Variants in RUBCNL observed in about 807,000 individuals in gnomAD.
RUBCNL encodes protein associated with UVRAG as autophagy enhancer.
A neutral mutation model predicts 69.5 loss-of-function variants in RUBCNL; 62 were observed. The observed-to-expected ratio is 0.89, with a 90% CI of 0.73 to 1.10. The LOEUF (loss-of-function observed/expected upper bound fraction) is 1.10, where lower values mean the gene tolerates loss of function less well. Among genes scored for constraint, RUBCNL ranks in the 50% least tolerant of loss-of-function variants. The pLI is 0.00. For synonymous variants in RUBCNL, 291 were observed against 303.6 expected, an observed-to-expected ratio of 0.96 and a Z score of 0.43; for missense variants, 768 against 798.1, an observed-to-expected ratio of 0.96 and a Z score of 0.45.
chr13:46,378,117 C>T (rs1875318907), intron 1 of RUBCNL, 112 bp from the exon 2 acceptor site: 3 of 603,046 alleles, frequency 5.0e-6, no homozygotes, highest in Non-Finnish European at 8.4e-6. Context: ...TATTTTTTTA[C>T]TGAGCATCTA....
In RUBCNL at chr13:46,361,593, A is replaced by T; in HGVS notation, c.987-20T>A. 1 of 1,571,876 alleles carries T rather than the reference A, an allele frequency of 6.4e-7. No individual in the cohort carries two copies. On this transcript the variant is annotated intron_variant, in intron 7 of 14. Coordinates refer to ENST00000429979, the MANE Select transcript of RUBCNL (RefSeq NM_025113.5). ...GTGACACTGAAATGTAAGAGATGCA[A>T]ATACTGGAAAACTATATTCATGAGG...
intron 4 of RUBCNL, 161 bp from the exon 5 acceptor site, chr13:46,368,410 G>C (rs904011589): frequency 3.1e-6 from 3 of 974,424 alleles, no homozygotes; most frequent in Non-Finnish European, 2.4e-6. Flanking sequence ...ATGACTTATA[G>C]CACACATTGT....
At chr13:46,386,613 G>A (rs901646870) in intron 1 of RUBCNL, among the ~76,000 whole-genome samples, 1 of 152,100 alleles carries the variant, frequency 6.6e-6, no homozygotes, top group Admixed American at 6.5e-5. Context: ...CGAGAAGAGT[G>A]GGGGTTGCTA....
intron 12 of RUBCNL, among the ~76,000 whole-genome samples, chr13:46,346,983 A>G (rs2048259254): frequency 1.3e-5 from 2 of 152,174 alleles, no homozygotes; most frequent in Admixed American, 6.6e-5. Flanking sequence ...TTTTTAAAAT[A>G]ATTTCAACTT....
At chr13:46,364,931 A>G (rs1416177191) in intron 5 of RUBCNL, among the ~76,000 whole-genome samples, 4 of 152,206 alleles carry the variant, frequency 2.6e-5, no homozygotes, top group Non-Finnish European at 1.5e-5. Flanking sequence ...ACTATTTATA[A>G]AAATACCTAT....
Position 46,337,433 on chromosome 13 carries a change from G to A in RUBCNL, c.*5952C>T, listed in dbSNP as rs2048111534. 6.6e-6 allele frequency among the ~76,000 whole-genome samples: 1 copy of A among 152,136 alleles called. No homozygotes were observed. The highest frequency in any genetic ancestry group is 1.5e-5 in the Non-Finnish European group (1 of 68,038). On this transcript the variant is annotated 3_prime_UTR_variant, in exon 15 of 15. Transcript: ENST00000429979. Reference sequence around the variant, plus strand: ...AACTTTGGGAGTGCTGGGATTACAAGTGTGAGCCACCGTGCCTGGTCCGCT... The same window carrying A: ...AACTTTGGGAGTGCTGGGATTACAAATGTGAGCCACCGTGCCTGGTCCGCT...
At chr13:46,376,390 T>C (rs938198530) in intron 2 of RUBCNL, among the ~76,000 whole-genome samples, 1 of 152,146 alleles carries the variant, frequency 6.6e-6, no homozygotes, top group African/African-American at 2.4e-5. Flanking sequence ...AACATACATA[T>C]ATAAACATAT....
intron 8 of RUBCNL, among the ~76,000 whole-genome samples, chr13:46,359,977 A>G (rs749894355): frequency 3.3e-5 from 5 of 152,212 alleles, no homozygotes; most frequent in Non-Finnish European, 7.3e-5. Context: ...GCTACCAATC[A>G]GAACCCCTAT....
At chr13:46,362,956 A>ATATC (rs1555253824) in intron 6 of RUBCNL, among the ~76,000 whole-genome samples, 159 bp downstream of exon 6, 4 of 70,830 alleles carry the variant, frequency 5.6e-5, no homozygotes, top group Non-Finnish European at 1.0e-4. Flanking sequence ...ATATATATAT[A>ATATC]TATATATATA....
intron 4 of RUBCNL, 62 bp from the exon 5 acceptor site, chr13:46,368,311 A>G: frequency 6.6e-7 from 1 of 1,509,890 alleles, no homozygotes; most frequent in Non-Finnish European, 9.0e-7. Context: ...AGGGTATATT[A>G]GATTTGAAAA....
At chr13:46,372,825 A>G (rs887924371) in intron 2 of RUBCNL, among the ~76,000 whole-genome samples, 2 of 152,238 alleles carry the variant, frequency 1.3e-5, no homozygotes, top group Non-Finnish European at 2.9e-5. Context: ...TCTTCAAAGC[A>G]TAAAATTAAG....
At chr13:46,375,796 G>T (rs1594177752) in intron 2 of RUBCNL, among the ~76,000 whole-genome samples, 1 of 152,056 alleles carries the variant, frequency 6.6e-6, no homozygotes, top group Non-Finnish European at 1.5e-5. Context: ...GAGTAATAAG[G>T]ATTATAATTT....
rs768254765 is a variant in RUBCNL, at chr13:46,353,331, G to C, written c.1331-2980C>G. Among the ~76,000 whole-genome samples, 78 of 152,310 alleles carry C rather than the reference G, an allele frequency of 5.1e-4. No homozygotes were observed. The Middle Eastern group carries it at 0.01, about 20-fold the overall frequency. ...GGGGGAAATTCAGGGTTAGGCACCT[G>C]TGAGCTTCTGGTAGCAACAGTTTCA... On this transcript the variant is annotated intron_variant, in intron 10 of 14. Transcript: ENST00000429979.
intron 10 of RUBCNL, 61 bp downstream of exon 10, chr13:46,356,371 A>G: frequency 4.6e-6 from 7 of 1,512,948 alleles, no homozygotes; most frequent in South Asian, 1.2e-5. Flanking sequence ...GCGCTGCCCT[A>G]CTTTGCTATT....
chr13:46,345,166 G>T lies in RUBCNL; in HGVS notation c.1785+281C>A, dbSNP rs2048218194. 2.0e-5 allele frequency among the ~76,000 whole-genome samples: 3 copies of T among 152,104 alleles called. No individual in the cohort carries two copies. The South Asian group carries it at 6.2e-4, about 32-fold the overall frequency. ...GAGCCTCCTGTTCCATTGAATCCTG[G>T]TTCCACATGACTATACTTGGTGCAT... On this transcript the variant is annotated intron_variant, in intron 13 of 14. Coordinates refer to ENST00000429979, the MANE Select transcript of RUBCNL (RefSeq NM_025113.5).
At position 46,336,783 on chromosome 13, in the gene RUBCNL, T is replaced by G. The variant is rs2048107585; in HGVS notation, c.*6602A>C. Among the ~76,000 whole-genome samples, 1 of 152,144 alleles carries G rather than the reference T, an allele frequency of 6.6e-6. No individual in the cohort carries two copies. The highest frequency in any genetic ancestry group is 6.5e-5 in the Admixed American group (1 of 15,272). On this transcript the variant is annotated 3_prime_UTR_variant, in exon 15 of 15. Coordinates refer to ENST00000429979, the MANE Select transcript of RUBCNL (RefSeq NM_025113.5). ...AAGCGATGGCAAACATTAAAAACTGTTCTTTCAAAAATGTTGCTGTGAAGA... is the reference window on the plus strand; with the variant it reads ...AAGCGATGGCAAACATTAAAAACTGGTCTTTCAAAAATGTTGCTGTGAAGA...
chr13:46,376,325 T>C (rs2048994003), intron 2 of RUBCNL, among the ~76,000 whole-genome samples: 3 of 152,222 alleles, frequency 2.0e-5, no homozygotes, highest in South Asian at 4.1e-4. Context: ...CATATAGATA[T>C]ATATATACCT....
At chr13:46,351,984 T>G (rs1051434737) in intron 10 of RUBCNL, among the ~76,000 whole-genome samples, 10 of 152,026 alleles carry the variant, frequency 6.6e-5, no homozygotes, top group Non-Finnish European at 2.9e-5. Flanking sequence ...CGTGCCACCA[T>G]GCCCGGCTAA....
At chr13:46,352,463 C>T (rs986791580) in intron 10 of RUBCNL, among the ~76,000 whole-genome samples, 4 of 152,218 alleles carry the variant, frequency 2.6e-5, no homozygotes, top group South Asian at 2.1e-4. Context: ...CTGTAGAACC[C>T]GTACACTGTA....
Sources: allele counts gnomAD v4.1 joint callset (sites outside exome capture counted in the v4.1 genomes callset), GRCh38; gene constraint gnomAD v4.1.1; transcripts MANE v1.5; gene names NCBI Gene and HGNC (gene_info 2026-07-23, HGNC 2026-07-21).